Variants in GCA observed in about 807,000 individuals in gnomAD.
The protein encoded by GCA is grancalcin, EF-hand calcium-binding protein.
Under a neutral mutation model 32.6 loss-of-function variants are expected in GCA, and 30 were observed. The observed-to-expected ratio is 0.92, with a 90% CI of 0.69 to 1.25. The LOEUF (loss-of-function observed/expected upper bound fraction) is 1.25, where lower values mean the gene tolerates loss of function less well. Ranked by LOEUF, GCA falls within the 50% of genes most tolerant of loss-of-function variation. The pLI, the probability that GCA is intolerant of heterozygous loss-of-function variation, is 0.00. For missense variants in GCA, 291 were observed against 266.8 expected (o/e 1.09, Z -0.63); for synonymous variants, 102 against 84.6 (o/e 1.21, Z -1.13).
intron 1 of GCA, among the ~76,000 whole-genome samples, chr2:162,329,100 C>A (rs188986228): frequency 5.3e-5 from 8 of 152,154 alleles, no homozygotes; most frequent in Non-Finnish European, 7.4e-5. Context: ...GCTACGGTCT[C>A]GGGGGTTTTT....
At chr2:162,342,889 C>T (rs547148910), upstream of GCA, among the ~76,000 whole-genome samples, 93 of 152,352 alleles carry the variant, frequency 6.1e-4, no homozygotes, top group Non-Finnish European at 1.1e-3. Flanking sequence ...CCTTTTGCCA[C>T]GTAGGTTTTA....
Position 162,362,544 on chromosome 2 carries a change from A to G in GCA, c.*2301A>G, listed in dbSNP as rs1685620634. On this transcript the variant is annotated 3_prime_UTR_variant, in exon 8 of 8. Transcript: ENST00000437150. ...TGATGTAAATTATTGAATAATGTAC[A>G]CTCTTAATGTATAAGTGCTTTTATT... 2.1e-6 allele frequency: 2 copies of G among 963,422 alleles called. No individual in the cohort carries two copies. Among genetic ancestry groups the G allele is most frequent in the Non-Finnish European group, 2.5e-6 (2 of 810,118 alleles). 59.7% of individuals were successfully genotyped at this position (963,422 alleles called of 1,614,324 possible).
At chr2:162,351,969 C>G (rs1022265780) in intron 2 of GCA, among the ~76,000 whole-genome samples, 8 of 152,068 alleles carry the variant, frequency 5.3e-5, no homozygotes, top group African/African-American at 1.9e-4. Flanking sequence ...AAATAATCTC[C>G]TCCCAAAACA....
At chr2:162,326,459 TA>T (rs1311667526) in intron 1 of GCA, among the ~76,000 whole-genome samples, 1 of 152,184 alleles carries the variant, frequency 6.6e-6, no homozygotes, top group Non-Finnish European at 1.5e-5. Context: ...TGAAGAGAAC[TA>T]GTTGCCCATT....
chr2:162,356,726 T>A, intron 4 of GCA, 32 bp from the exon 5 acceptor site: 1 of 1,520,464 alleles, frequency 6.6e-7, no homozygotes, highest in Non-Finnish European at 9.1e-7. Flanking sequence ...AACTCAGGTA[T>A]CAGAATTTAT....
chr2:162,319,424 A>T, intron 1 of GCA: 1 of 237,400 alleles, frequency 4.2e-6, no homozygotes, highest in Non-Finnish European at 8.8e-6. Context: ...TTAATATACA[A>T]CTTTCCTTTA....
rs1684557609 is a variant in GCA, at chr2:162,344,219, G to T, written c.-30G>T. On this transcript the variant is annotated 5_prime_UTR_variant, in exon 1 of 8. Transcript: ENST00000437150. ...CCAGCACTGCGGACGCGACTCGAGG[G>T]TGACGCTCGCTCCGCTCGTCCCGCT... 1.1e-5 allele frequency: 17 copies of T among 1,613,660 alleles called. No individual in the cohort carries two copies. Among genetic ancestry groups the T allele is most frequent in the Non-Finnish European group, 1.4e-5 (17 of 1,179,836 alleles).
chr2:162,359,192 T>C (rs200041722), intron 6 of GCA, 35 bp downstream of exon 6: 7 of 1,137,924 alleles, frequency 6.2e-6, no homozygotes, highest in East Asian at 2.4e-5. Context: ...CACAGTGTTA[T>C]GTAGCTATTT....
At chr2:162,371,431 G>C in exon 5 of GCA, 2 of 1,287,944 alleles carry the variant, frequency 1.6e-6, no homozygotes, top group Non-Finnish European at 2.0e-6. Context: ...ATCTGAATTT[G>C]AGTTGCATCC....
intron 3 of GCA, among the ~76,000 whole-genome samples, chr2:162,353,087 T>C (rs953804681): frequency 2.0e-5 from 3 of 152,166 alleles, no homozygotes; most frequent in Admixed American, 1.3e-4. Context: ...GAGTTAGATC[T>C]CCTTTTTACT....
downstream of GCA, chr2:162,371,626 T>G: frequency 1.2e-6 from 1 of 804,488 alleles, no homozygotes. Context: ...GTTTTAACAT[T>G]TGGAACCAAA....
intron 1 of GCA, among the ~76,000 whole-genome samples, chr2:162,336,402 CCTCA>C (rs1684271779): frequency 6.6e-6 from 1 of 152,040 alleles, no homozygotes; most frequent in Admixed American, 6.6e-5. Flanking sequence ...GTTTCTATGT[CCTCA>C]CTCAGACATT....
At chr2:162,320,523 G>A (rs552116643) in intron 1 of GCA, among the ~76,000 whole-genome samples, 1 of 152,296 alleles carries the variant, frequency 6.6e-6, no homozygotes, top group South Asian at 2.1e-4. Flanking sequence ...GTTGCTGACT[G>A]AATATGGGGA....
chr2:162,373,468 AC>A, downstream of GCA: 1 of 1,516,604 alleles, frequency 6.6e-7, no homozygotes, highest in Non-Finnish European at 8.9e-7. Flanking sequence ...ATCCACACTT[AC>A]TTGTGAGGAA....
chr2:162,372,348 AT>A (rs1446091642), downstream of GCA, among the ~76,000 whole-genome samples: 13 of 152,148 alleles, frequency 8.5e-5, no homozygotes, highest in Non-Finnish European at 1.5e-4. Flanking sequence ...ATTTAAAAAA[AT>A]ATATATTATT....
chr2:162,361,021 G>A lies in GCA; in HGVS notation c.*778G>A. On this transcript the variant is annotated 3_prime_UTR_variant, in exon 8 of 8. Coordinates refer to ENST00000437150, the MANE Select transcript of GCA (RefSeq NM_012198.5). ...CTTTTTAGAAATGGCATATGTTTTT[G>A]ATGATATGTCAACATTCAAAATTGT... 1 of 1,019,788 alleles carries A rather than the reference G, an allele frequency of 9.8e-7. No homozygotes were observed. The highest frequency in any genetic ancestry group is 1.2e-6 in the Non-Finnish European group (1 of 838,436). The allele number at this position is 1,019,788 out of a possible 1,614,324, so 63.2% of individuals were successfully genotyped here.
At chr2:162,319,027 G>T (rs760117943), upstream of GCA, 5 of 397,742 alleles carry the variant, frequency 1.3e-5, no homozygotes, top group Admixed American at 5.6e-5. Context: ...AGACCCGGAC[G>T]TGAACAGGGA....
In GCA at chr2:162,356,860, G is replaced by A; in HGVS notation, c.409G>A (p.Gly137Ser). 6.2e-7 allele frequency: 1 copy of A among 1,610,032 alleles called. No individual in the cohort carries two copies. Among genetic ancestry groups the A allele is most frequent in the Non-Finnish European group, 8.5e-7 (1 of 1,177,048 alleles). ...CATGACTGTTGATCAAGATGGAAGT[G>A]GCACAGTAGAACATCATGAGTTGCG... The part of the protein sequence containing the change: ...NFMTVDQDGS[G>S]TVEHHELRQA... Residue 137 changes from glycine (G) to serine (S), a missense_variant, in exon 5 of 8, where the codon GGC becomes AGC. By Grantham distance (56) the Gly-to-Ser change is moderately conservative. Transcript: ENST00000437150.
exon 1 of GCA, chr2:162,319,122 C>A: frequency 2.2e-6 from 1 of 456,500 alleles, no homozygotes; most frequent in South Asian, 1.5e-5. Context: ...GCTCAGAAGA[C>A]ATCTTTGCAG....
Sources: gnomAD v4.1 joint callset for allele counts (sites outside exome capture counted in the v4.1 genomes callset) on GRCh38, gnomAD v4.1.1 for gene constraint, MANE v1.5 for transcripts, NCBI Gene and HGNC (gene_info 2026-07-23, HGNC 2026-07-21) for gene names.